The following TMEM108 variants were observed in gnomAD, a reference collection of about 807,000 sequenced individuals.
The protein encoded by TMEM108 is cancer/testis antigen 124.
Under a neutral mutation model 35.1 loss-of-function variants are expected in TMEM108, and 12 were observed. That is an observed-to-expected ratio of 0.34 (90% confidence interval 0.22 to 0.55). The LOEUF is 0.55. Among genes scored for constraint, TMEM108 ranks in the 20% least tolerant of loss-of-function variants. The pLI is 0.89. For missense variants in TMEM108, 680 were observed against 753.3 expected (o/e 0.90, Z 1.14); for synonymous variants, 287 against 308.6 (o/e 0.93, Z 0.73).
chr3:133,167,350 G>A (rs1041320073), intron 2 of TMEM108, among the ~76,000 whole-genome samples: 7 of 152,392 alleles, frequency 4.6e-5, no homozygotes, highest in African/African-American at 1.4e-4. Flanking sequence ...AGTGGATCCT[G>A]CTCCAGGGCC....
chr3:133,232,803 G>A (rs1204151915), intron 3 of TMEM108, among the ~76,000 whole-genome samples: 1 of 152,172 alleles, frequency 6.6e-6, no homozygotes, highest in Non-Finnish European at 1.5e-5. Flanking sequence ...ACTGGCTTTA[G>A]CCCTTTCAGA....
chr3:133,381,834 T>G lies in TMEM108; in HGVS notation c.1450+673T>G, dbSNP rs2073021169. ...TTGCAGCTAAATTAAGGCTTGAGAG[T>G]TACGTAAACTCTAGCAACTCTCCAC... On this transcript the variant is annotated intron_variant, in intron 4 of 5. Transcript: ENST00000321871. Among the ~76,000 whole-genome samples the G allele has an allele frequency of 1.3e-5, 2 of 152,100 alleles. 1 individual carries two copies. Among genetic ancestry groups the G allele is most frequent in the South Asian group, 4.2e-4 (2 of 4,816 alleles).
At chr3:133,165,226 G>T (rs1312897482) in intron 2 of TMEM108, among the ~76,000 whole-genome samples, 2 of 152,158 alleles carry the variant, frequency 1.3e-5, no homozygotes, top group African/African-American at 4.8e-5. Context: ...GGATTGAGGA[G>T]AATCTTCAGA....
chr3:133,186,412 A>T (rs1467376557), intron 2 of TMEM108, among the ~76,000 whole-genome samples: 3 of 152,206 alleles, frequency 2.0e-5, no homozygotes, highest in African/African-American at 7.2e-5. Context: ...TTTATTCCTT[A>T]CTGTCCTATC....
In TMEM108 at chr3:133,397,239, A is replaced by G. The variant is rs543022802; in HGVS notation, c.*1253A>G. The G allele has an allele frequency of 6.6e-6, 1 of 152,260 alleles. No individual in the cohort carries two copies. Among genetic ancestry groups the G allele is most frequent in the African/African-American group, 2.4e-5 (1 of 41,526 alleles). The allele number at this position is 152,260 out of a possible 1,614,324, so 9.4% of individuals were successfully genotyped here. A position where few individuals can be genotyped will look rare whatever the true frequency, so the allele number is the denominator to read the frequency against. ...TGAGAGAGATGATTACTGCTTTGAC[A>G]CTTCCTTTCTCTAAAAGAAAAATAG... On this transcript the variant is annotated 3_prime_UTR_variant, in exon 6 of 6. Coordinates refer to ENST00000321871, the MANE Select transcript of TMEM108 (RefSeq NM_023943.4).
chr3:133,394,606 G>A (rs2073279696), intron 5 of TMEM108, among the ~76,000 whole-genome samples: 1 of 152,222 alleles, frequency 6.6e-6, no homozygotes, highest in African/African-American at 2.4e-5. Context: ...GACAAGCCAA[G>A]CTCAGCCTCC....
Position 133,238,962 on chromosome 3 carries a change from C to G in TMEM108, c.40+9611C>G, listed in dbSNP as rs373971603. On this transcript the variant is annotated intron_variant, in intron 3 of 5. Coordinates refer to ENST00000321871, the MANE Select transcript of TMEM108 (RefSeq NM_023943.4). ...CTTTATGGGGTCTTCCTTTCCTCCTCCACCTTTCCCAGTGAAGTTGTCTTC... is the reference window on the plus strand; with the variant it reads ...CTTTATGGGGTCTTCCTTTCCTCCTGCACCTTTCCCAGTGAAGTTGTCTTC... 1.9e-4 allele frequency among the ~76,000 whole-genome samples: 29 copies of G among 152,286 alleles called. No homozygotes were observed. In the South Asian group the frequency reaches 5.2e-3, roughly 27 times the overall value.
intron 2 of TMEM108, among the ~76,000 whole-genome samples, chr3:133,159,889 G>A (rs1944936712): frequency 6.6e-6 from 1 of 152,120 alleles, no homozygotes; most frequent in Non-Finnish European, 1.5e-5. Context: ...ATCTCTTTCT[G>A]TTTTGTCCTG....
chr3:133,395,237 T>A (rs1411248189), intron 5 of TMEM108, among the ~76,000 whole-genome samples: 3 of 152,208 alleles, frequency 2.0e-5, no homozygotes, highest in Non-Finnish European at 2.9e-5. Flanking sequence ...GAGATGCAGA[T>A]CCATTCAGCT....
chr3:133,168,243 G>A (rs536851539), intron 2 of TMEM108, among the ~76,000 whole-genome samples: 1 of 152,182 alleles, frequency 6.6e-6, no homozygotes, highest in African/African-American at 2.4e-5. Context: ...TTTTATTTTT[G>A]GTTTACACAC....
intron 3 of TMEM108, among the ~76,000 whole-genome samples, chr3:133,336,127 C>T (rs1057408931): frequency 1.3e-5 from 2 of 152,168 alleles, no homozygotes; most frequent in Admixed American, 1.3e-4. Flanking sequence ...GAAAGGCAGT[C>T]TAGGTCACAA....
intron 3 of TMEM108, among the ~76,000 whole-genome samples, chr3:133,287,203 G>A (rs1437015442): frequency 6.6e-6 from 1 of 152,064 alleles, no homozygotes; most frequent in African/African-American, 2.4e-5. Context: ...GAGGTTTAGG[G>A]CTAATGAGCA....
chr3:133,365,142 G>T (rs1331461070), intron 3 of TMEM108, among the ~76,000 whole-genome samples: 1 of 152,166 alleles, frequency 6.6e-6, no homozygotes, highest in African/African-American at 2.4e-5. Flanking sequence ...CTATTATCTG[G>T]CATCCCTCCT....
intron 2 of TMEM108, among the ~76,000 whole-genome samples, chr3:133,144,255 G>C (rs545370402): frequency 1.3e-5 from 2 of 152,192 alleles, no homozygotes; most frequent in South Asian, 4.1e-4. Flanking sequence ...AGTTTGCTGA[G>C]AATGATGGTT....
chr3:133,231,350 C>T (rs77978734), intron 3 of TMEM108, among the ~76,000 whole-genome samples: 1,764 of 152,178 alleles, frequency 0.012, 33 homozygotes, highest in African/African-American at 0.039. Context: ...TTATTTATTT[C>T]GTTCATGAAT....
intron 4 of TMEM108, chr3:133,386,463 G>A (rs755959981): frequency 1.3e-6 from 2 of 1,535,936 alleles, no homozygotes; most frequent in East Asian, 4.9e-5. Context: ...CCACAAATGT[G>A]AATACAGTAC....
chr3:133,091,941 C>T (rs1943951938), intron 2 of TMEM108, among the ~76,000 whole-genome samples: 1 of 152,126 alleles, frequency 6.6e-6, no homozygotes, highest in African/African-American at 2.4e-5. Flanking sequence ...AGAGAAAACG[C>T]ATTATTTGGT....
chr3:133,367,353 G>C (rs950180312), intron 3 of TMEM108, among the ~76,000 whole-genome samples: 1 of 152,190 alleles, frequency 6.6e-6, no homozygotes, highest in African/African-American at 2.4e-5. Flanking sequence ...TGGGGAGGGT[G>C]GTAGATAGTG....
chr3:133,351,875 G>T (rs1444689779), intron 3 of TMEM108, among the ~76,000 whole-genome samples: 1 of 152,118 alleles, frequency 6.6e-6, no homozygotes, highest in African/African-American at 2.4e-5. Flanking sequence ...TTAGTGTGCA[G>T]CTGTTATTAG....
Sources: allele counts gnomAD v4.1 joint callset (sites outside exome capture counted in the v4.1 genomes callset), GRCh38; gene constraint gnomAD v4.1.1; transcripts MANE v1.5; gene names NCBI Gene and HGNC (gene_info 2026-07-23, HGNC 2026-07-21).